Variants in METTL3 observed in about 807,000 individuals in gnomAD.
The protein encoded by METTL3 is N(6)-adenosine-methyltransferase catalytic subunit METTL3.
Under a neutral mutation model 64.3 loss-of-function variants are expected in METTL3, and 42 were observed. That is an observed-to-expected ratio of 0.65 (90% confidence interval 0.51 to 0.84). METTL3 has a LOEUF of 0.84. Ranked by LOEUF, METTL3 falls within the 40% of genes least tolerant of loss-of-function variation. The probability of loss-of-function intolerance (pLI) is 0.00; values close to 1 mark genes in which losing one functional copy is unlikely to be tolerated. For synonymous variants in METTL3, 256 were observed against 263.6 expected (o/e 0.97, Z 0.28); for missense variants, 435 against 722.3 (o/e 0.60, Z 4.56).
Position 21,503,278 on chromosome 14 carries a change from T to C in METTL3, c.618A>G (p.Ala206=), listed in dbSNP as rs1372101262. Residue 206 remains alanine (A), a synonymous_variant, in exon 3 of 11, where the codon GCA becomes GCG. Transcript: ENST00000298717. ...SGLNSSASEP[A]KEPAKKSRKH... ...TCCTTGATTTCTTGGCTGGCTCCTTTGCTGGTTCCGATGCTGAAGAGTTCA... is the reference window on the plus strand; with the variant it reads ...TCCTTGATTTCTTGGCTGGCTCCTTCGCTGGTTCCGATGCTGAAGAGTTCA... The C allele has an allele frequency of 6.2e-7, 1 of 1,614,218 alleles. No homozygotes were observed. Among genetic ancestry groups the C allele is most frequent in the Non-Finnish European group, 8.5e-7 (1 of 1,180,042 alleles).
chr14:21,501,430 C>A (rs1453608173), intron 4 of METTL3: 1 of 547,342 alleles, frequency 1.8e-6, no homozygotes, highest in East Asian at 3.2e-5. Flanking sequence ...TTCCTTTTCT[C>A]CTAAGATTAT....
rs371811912 is a variant in METTL3, at chr14:21,500,958, C to T, written c.1071G>A (p.Gln357=). The change falls in exon 5 of 11, where the codon CAG becomes CAA. Residue 357 remains glutamine (Q), a synonymous_variant. Coordinates refer to ENST00000298717, the MANE Select transcript of METTL3 (RefSeq NM_019852.5). Reference sequence around the variant, plus strand: ...CTGCACTGGAATCACCTCCGACACTCTGTGTAAGAGCAAGCTCCTGGCTTG... The same window carrying T: ...CTGCACTGGAATCACCTCCGACACTTTGTGTAAGAGCAAGCTCCTGGCTTG... ...HTPSQELALT[Q]SVGGDSSADR... 2.7e-5 allele frequency: 43 copies of T among 1,614,012 alleles called. No individual in the cohort carries two copies. Among genetic ancestry groups the T allele is most frequent in the Non-Finnish European group, 3.6e-5 (42 of 1,180,018 alleles).
intron 1 of METTL3, chr14:21,509,665 C>T (rs1891782124): frequency 6.6e-6 from 1 of 151,982 alleles, no homozygotes; most frequent in African/African-American, 2.4e-5. Context: ...GACTGCTACA[C>T]TCCAGCCTGG....
intron 6 of METTL3, 144 bp downstream of exon 6, chr14:21,500,347 CAGTG>C (rs1189284733): frequency 2.7e-6 from 2 of 744,814 alleles, no homozygotes; most frequent in Non-Finnish European, 4.3e-6. Flanking sequence ...CTAAGCAACA[CAGTG>C]AGACTCTCTC....
At chr14:21,501,425 T>C (rs911109406) in intron 4 of METTL3, 2 of 546,044 alleles carry the variant, frequency 3.7e-6, no homozygotes, top group African/African-American at 1.9e-5. Context: ...TTAGGTTCCT[T>C]TTCTCCTAAG....
chr14:21,498,479 C>T (rs1358834550), intron 10 of METTL3, 110 bp from the exon 11 acceptor site: 1 of 995,728 alleles, frequency 1.0e-6, no homozygotes, highest in Non-Finnish European at 1.5e-6. Context: ...ATCAAATATG[C>T]CAATTCTAAA....
At chr14:21,507,482 A>G (rs1594445185) in intron 1 of METTL3, among the ~76,000 whole-genome samples, 1 of 151,956 alleles carries the variant, frequency 6.6e-6, no homozygotes, top group East Asian at 2.0e-4. Flanking sequence ...ACACTGTGAA[A>G]CCCCGTCTCT....
intron 1 of METTL3, among the ~76,000 whole-genome samples, chr14:21,509,824 A>G (rs1047995525): frequency 4.6e-5 from 7 of 152,224 alleles, no homozygotes; most frequent in African/African-American, 4.8e-5. Context: ...AAATAAATCA[A>G]TGAAGTTTCT....
intron 7 of METTL3, 33 bp downstream of exon 7, chr14:21,499,731 C>A (rs1022595278): frequency 6.2e-7 from 1 of 1,604,768 alleles, no homozygotes; most frequent in Non-Finnish European, 8.5e-7. Context: ...AACAGTATTA[C>A]CCTCAAAAGA....
chr14:21,498,505 G>T, intron 10 of METTL3, 136 bp from the exon 11 acceptor site: 1 of 772,766 alleles, frequency 1.3e-6, no homozygotes, highest in Non-Finnish European at 2.1e-6. Flanking sequence ...CTTAACATTA[G>T]AATAGTATAT....
Position 21,499,039 on chromosome 14 carries a change from A to G in METTL3, c.1617T>C (p.Asn539=), listed in dbSNP as rs1270364435. The G allele has an allele frequency of 3.1e-6, 5 of 1,613,778 alleles. No individual in the cohort carries two copies. The highest frequency in any genetic ancestry group is 1.3e-5 in the African/African-American group (1 of 75,046). Residue 539 remains asparagine (N), a synonymous_variant, in exon 10 of 11, where the codon AAT becomes AAC. Transcript: ENST00000298717. The part of the protein sequence containing the change: ...RKIELFGRPH[N]VQPNWITLGN... ...GGTCACCTTACCAGTTGGGTTGCACATTGTGTGGTCGTCCAAATAACTCAA... is the reference window on the plus strand; with the variant it reads ...GGTCACCTTACCAGTTGGGTTGCACGTTGTGTGGTCGTCCAAATAACTCAA...
rs889770006 is a variant in METTL3, at chr14:21,502,743, A to G, written c.723+430T>C. On this transcript the variant is annotated intron_variant, in intron 3 of 10. Coordinates refer to ENST00000298717, the MANE Select transcript of METTL3 (RefSeq NM_019852.5). ...AGAACCAATTCACATTATTTAGTCA[A>G]TTTCCATAATTGGTCTAGTATTCCT... 6.7e-5 allele frequency: 11 copies of G among 164,910 alleles called. No homozygotes were observed. The East Asian group carries it at 8.6e-4, about 13-fold the overall frequency. The allele number at this position is 164,910 out of a possible 1,614,324, so 10.2% of individuals were successfully genotyped here. A position where few individuals can be genotyped will look rare whatever the true frequency, so the allele number is the denominator to read the frequency against.
chr14:21,510,282 C>T (rs1891800755), intron 1 of METTL3, among the ~76,000 whole-genome samples: 2 of 152,194 alleles, frequency 1.3e-5, no homozygotes, highest in African/African-American at 4.8e-5. Flanking sequence ...AGTGCATCTT[C>T]TATTTCTAGG....
intron 3 of METTL3, among the ~76,000 whole-genome samples, chr14:21,502,198 C>T (rs1891586132): frequency 6.6e-6 from 1 of 151,846 alleles, no homozygotes. Flanking sequence ...GTTTTAATTA[C>T]TTTACTTTCT....
At chr14:21,510,490 C>T (rs1891806209) in intron 1 of METTL3, 1 of 152,176 alleles carries the variant, frequency 6.6e-6, no homozygotes, top group Non-Finnish European at 1.5e-5. Context: ...TGAATTTAAT[C>T]TTTTAAATTT....
chr14:21,501,319 C>T, intron 4 of METTL3, 190 bp from the exon 5 acceptor site: 1 of 593,926 alleles, frequency 1.7e-6, no homozygotes, highest in Non-Finnish European at 2.9e-6. Context: ...AATTGTAATT[C>T]CTCTCTGAGT....
chr14:21,510,460 G>C (rs1420943951), intron 1 of METTL3: 1 of 152,222 alleles, frequency 6.6e-6, no homozygotes, highest in African/African-American at 2.4e-5. Context: ...TTTGTCCTGA[G>C]GGTAGGGAGT....
Position 21,500,931 on chromosome 14 carries a change from G to A in METTL3, c.1098C>T (p.Asp366=). The A allele has an allele frequency of 1.9e-6, 3 of 1,613,934 alleles. No homozygotes were observed. In the South Asian group the frequency reaches 3.3e-5, roughly 18 times the overall value. ...CAGGTACCTGAGGTGGGAAGAGTCG[G>A]TCTGCACTGGAATCACCTCCGACAC... is the stretch of plus-strand genomic sequence containing the variant. The part of the protein sequence containing the change: ...TQSVGGDSSA[D]RLFPPQWICC... The change falls in exon 5 of 11, where the codon GAC becomes GAT. Residue 366 remains aspartate, a synonymous_variant. Transcript: ENST00000298717.
At chr14:21,506,020 C>T (rs948976250) in intron 1 of METTL3, among the ~76,000 whole-genome samples, 15 of 152,090 alleles carry the variant, frequency 9.9e-5, no homozygotes, top group African/African-American at 3.6e-4. Flanking sequence ...ATGTGCTAAA[C>T]CTGGCCAAAT....
Sources: allele counts gnomAD v4.1 joint callset (sites outside exome capture counted in the v4.1 genomes callset), GRCh38; gene constraint gnomAD v4.1.1; transcripts MANE v1.5; gene names NCBI Gene and HGNC (gene_info 2026-07-23, HGNC 2026-07-21).